ANK3: variants seen among roughly 807,000 people sequenced by gnomAD.
ANK3 encodes the protein ankyrin 3.
A neutral mutation model predicts 370.9 loss-of-function variants in ANK3; 57 were observed. That is an observed-to-expected ratio of 0.15 (90% CI 0.12 to 0.19). The LOEUF (loss-of-function observed/expected upper bound fraction) is 0.19. Ranked by LOEUF, ANK3 falls within the 10% of genes least tolerant of loss-of-function variation. The pLI, the probability that ANK3 is intolerant of heterozygous loss-of-function variation, is 1.00. For synonymous variants in ANK3, 1,929 were observed against 1,946.3 expected (o/e 0.99, Z 0.23); for missense variants, 4,439 against 5,302.1 (o/e 0.84, Z 5.06).
At chr10:60,261,341 A>G (rs1350020030) in intron 7 of ANK3, among the ~76,000 whole-genome samples, 1 of 152,202 alleles carries the variant, frequency 6.6e-6, no homozygotes, top group Non-Finnish European at 1.5e-5. Flanking sequence ...CCTTTCTTCA[A>G]TGGATATGAG....
At position 60,075,944 on chromosome 10, in the gene ANK3, G is replaced by A; in HGVS notation, c.4937C>T (p.Ser1646Phe). 12 of 1,614,106 alleles carry A rather than the reference G, an allele frequency of 7.4e-6. No individual in the cohort carries two copies. Among genetic ancestry groups the A allele is most frequent in the Non-Finnish European group, 1.0e-5 (12 of 1,179,992 alleles). ...RSSITMTPPASPKSNINMYSS... is the reference protein window; with the variant it reads ...RSSITMTPPAFPKSNINMYSS... ...ATACATATTAATGTTTGATTTGGGG[G>A]AGGCAGGGGGTGTCATAGTAATTGA... Residue 1646 changes from serine (S) to phenylalanine (F), a missense_variant, in exon 37 of 44, where the codon TCC becomes TTC. By Grantham distance (155) the Ser-to-Phe change is radical. Transcript: ENST00000280772.
At chr10:60,608,026 A>G (rs972120674) in intron 2 of ANK3, among the ~76,000 whole-genome samples, 9 of 152,296 alleles carry the variant, frequency 5.9e-5, no homozygotes, top group African/African-American at 2.2e-4. Flanking sequence ...CAGATGTATC[A>G]GCAGGCAGCA....
At chr10:60,386,357 C>CT (rs200851428) in intron 1 of ANK3, among the ~76,000 whole-genome samples, 29 of 149,280 alleles carry the variant, frequency 1.9e-4, no homozygotes, top group Middle Eastern at 3.4e-3. Context: ...CTCATTCAAA[C>CT]TTTTTTTTTT....
chr10:60,086,867 A>G lies in ANK3; in HGVS notation c.3558T>C (p.Asp1186=). The G allele has an allele frequency of 6.2e-7, 1 of 1,612,948 alleles. No homozygotes were observed. The highest frequency in any genetic ancestry group is 8.5e-7 in the Non-Finnish European group (1 of 1,179,868). ...RVGLQAQPVP[D]EIVKKILGNK... is the part of the protein sequence containing the mutation. ...TTCCAAGGATCTTTTTCACAATTTC[A>G]TCTGGAACAGGCTGGGCCTAGAGAC... Residue 1186 remains aspartate, a synonymous_variant, in exon 30 of 44, where the codon GAT becomes GAC. Transcript: ENST00000280772.
At chr10:60,125,668 G>C (rs1258403148) in intron 25 of ANK3, among the ~76,000 whole-genome samples, 1 of 152,168 alleles carries the variant, frequency 6.6e-6, no homozygotes, top group Non-Finnish European at 1.5e-5. Context: ...TTAATCTGCC[G>C]ACGGGTGTGG....
At chr10:60,277,421 CAT>C (rs1264579967) in intron 4 of ANK3, among the ~76,000 whole-genome samples, 3 of 152,130 alleles carry the variant, frequency 2.0e-5, no homozygotes, top group Non-Finnish European at 4.4e-5. Context: ...TAACTGGATT[CAT>C]ATATGTTCTC....
At chr10:60,572,661 C>A in intron 2 of ANK3, 1 of 1,444,672 alleles carries the variant, frequency 6.9e-7, no homozygotes, top group Non-Finnish European at 9.0e-7. Flanking sequence ...GCAGCCGCTG[C>A]TTAAACCCAG....
At chr10:60,420,061 G>A (rs1277121965) in intron 2 of ANK3, among the ~76,000 whole-genome samples, 1 of 151,996 alleles carries the variant, frequency 6.6e-6, no homozygotes, top group African/African-American at 2.4e-5. Flanking sequence ...ACGCCATTAA[G>A]CAAAACATTG....
intron 1 of ANK3, among the ~76,000 whole-genome samples, chr10:60,688,686 T>C (rs1423629717): frequency 1.5e-4 from 23 of 152,254 alleles, no homozygotes; most frequent in Non-Finnish European, 2.5e-4. Flanking sequence ...CGGTGGCACA[T>C]GCCTGTAATC....
intron 2 of ANK3, among the ~76,000 whole-genome samples, chr10:60,551,528 G>T (rs1489291316): frequency 6.6e-6 from 1 of 152,128 alleles, no homozygotes; most frequent in Middle Eastern, 3.2e-3. Context: ...TTTTAGTGAT[G>T]AAAATAAATT....
intron 2 of ANK3, among the ~76,000 whole-genome samples, chr10:60,429,417 T>C (rs1179120380): frequency 3.3e-5 from 5 of 152,138 alleles, no homozygotes; most frequent in African/African-American, 9.7e-5. Flanking sequence ...ATATTCCAAG[T>C]AAAATAGGTA....
intron 1 of ANK3, among the ~76,000 whole-genome samples, chr10:60,683,025 AC>A (rs2079217340): frequency 1.3e-5 from 2 of 152,040 alleles, no homozygotes; most frequent in African/African-American, 4.8e-5. Flanking sequence ...AACCTATGGG[AC>A]CTGACACCAT....
rs1480863466 is a variant in ANK3, at chr10:60,278,883, A to G, written c.316-11T>C. 6.2e-7 allele frequency: 1 copy of G among 1,612,878 alleles called. No homozygotes were observed. The highest frequency in any genetic ancestry group is 8.5e-7 in the Non-Finnish European group (1 of 1,178,930). ...TGCTGTGTTTCCTTTCTGTGAAATG[A>G]AAGTCAAGATATATCAACTCATCGA... On this transcript the variant is annotated splice_polypyrimidine_tract_variant and intron_variant, in intron 3 of 43. Transcript: ENST00000280772.
At position 60,070,134 on chromosome 10, in the gene ANK3, T is replaced by A; in HGVS notation, c.10747A>T (p.Thr3583Ser). The A allele has an allele frequency of 6.2e-7, 1 of 1,614,138 alleles. No individual in the cohort carries two copies. The highest frequency in any genetic ancestry group is 8.5e-7 in the Non-Finnish European group (1 of 1,179,978). The part of the protein sequence containing the change: ...DRSPATTPDT[T>S]PARTPTDEST... ...TCATCAGTTGGCGTTCTGGCTGGCG[T>A]TGTATCAGGGGTTGTTGCTGGAGAG... The change falls in exon 37 of 44, where the codon ACG (threonine) becomes TCG (serine). Residue 3583 changes from threonine to serine, a missense_variant. By Grantham distance (58) the Thr-to-Ser change is moderately conservative. Around this residue, in one of 13 missense-constraint regions of ANK3, gnomAD observed 1,601 missense variants for 1,731.7 expected, o/e 0.92. Transcript: ENST00000280772. The surrounding 1 kb of genome is among the most constrained non-coding windows in gnomAD (Gnocchi z 5.7).
intron 14 of ANK3, 130 bp from the exon 15 acceptor site, chr10:60,196,755 A>T: frequency 1.6e-6 from 1 of 614,910 alleles, no homozygotes; most frequent in Non-Finnish European, 2.9e-6. Context: ...GAACTGATTA[A>T]TTATTCTATT....
intron 23 of ANK3, chr10:60,144,256 G>A (rs2094704810): frequency 2.4e-6 from 1 of 425,064 alleles, no homozygotes; most frequent in Non-Finnish European, 4.6e-6. Flanking sequence ...AAGGTCCAAA[G>A]GTAAACCAAA....
intron 4 of ANK3, among the ~76,000 whole-genome samples, chr10:60,276,596 C>T (rs2098093315): frequency 6.6e-6 from 1 of 152,164 alleles, no homozygotes; most frequent in South Asian, 2.1e-4. Context: ...GTTCTTCTGC[C>T]TTACTGCATC....
Position 60,073,826 on chromosome 10 carries a change from T to G in ANK3, c.7055A>C (p.Lys2352Thr). Residue 2352 changes from lysine (K) to threonine (T), a missense_variant, in exon 37 of 44, where the codon AAG becomes ACG. Lys to Thr is a moderately conservative substitution (Grantham distance 78, BLOSUM62 -1). Transcript: ENST00000280772. Reference sequence around the variant, plus strand: ...TACATACATTTCTTTTTCTGGATGCTTTTTGGTTTCTCTAATAATGACTTC... The same window carrying G: ...TACATACATTTCTTTTTCTGGATGCGTTTTGGTTTCTCTAATAATGACTTC... ...PTEVIIRETK[K>T]HPEKEMYVYQ... 6.2e-7 allele frequency: 1 copy of G among 1,613,536 alleles called. No homozygotes were observed. Among genetic ancestry groups the G allele is most frequent in the Non-Finnish European group, 8.5e-7 (1 of 1,179,978 alleles).
At chr10:60,143,703 T>C (rs996037662) in intron 23 of ANK3, among the ~76,000 whole-genome samples, 5 of 152,228 alleles carry the variant, frequency 3.3e-5, no homozygotes, top group Non-Finnish European at 7.3e-5. Flanking sequence ...CTTCTATTCA[T>C]GCCCTTGCAT....
Sources: allele counts gnomAD v4.1 joint callset (sites outside exome capture counted in the v4.1 genomes callset), GRCh38; gene constraint gnomAD v4.1.1; regional missense constraint gnomAD v4.1.1; non-coding constraint Gnocchi (gnomAD v3.1); transcripts MANE v1.5; gene names NCBI Gene and HGNC (gene_info 2026-07-23, HGNC 2026-07-21).